Variants in NAAA observed in about 807,000 individuals in gnomAD.
The protein encoded by NAAA is N-acylethanolamine-hydrolyzing acid amidase.
Under a neutral mutation model 44.8 loss-of-function variants are expected in NAAA, and 39 were observed. That is an observed-to-expected ratio of 0.87 (90% CI 0.67 to 1.14). NAAA has a LOEUF of 1.14. NAAA is among the 50% of genes most tolerant of loss of function. NAAA has a pLI of 0.00. For synonymous variants in NAAA, 178 were observed against 191.3 expected (o/e 0.93, Z 0.58); for missense variants, 460 against 467.8 (o/e 0.98, Z 0.15).
intron 4 of NAAA, among the ~76,000 whole-genome samples, chr4:75,927,406 CT>C (rs1726801385): frequency 6.6e-6 from 1 of 152,066 alleles, no homozygotes; most frequent in East Asian, 1.9e-4. Flanking sequence ...GATCCCGCCA[CT>C]GTACTCCAGC....
In NAAA at chr4:75,934,047, T is replaced by C. The variant is rs1226542630; in HGVS notation, c.498+2062A>G. 7.7e-5 allele frequency among the ~76,000 whole-genome samples: 7 copies of C among 91,378 alleles called. No homozygotes were observed. The East Asian group carries it at 2.4e-3, about 32-fold the overall frequency. 59.9% of individuals were successfully genotyped at this position (91,378 alleles called of 152,430 possible). On this transcript the variant is annotated intron_variant, in intron 3 of 10. Coordinates refer to ENST00000286733, the MANE Select transcript of NAAA (RefSeq NM_014435.4). ...TCTGTCTCAAAAATAAAAACAATAGTAGTAGTAATAATAATAATAATAATA... is the reference window on the plus strand; with the variant it reads ...TCTGTCTCAAAAATAAAAACAATAGCAGTAGTAATAATAATAATAATAATA...
intron 9 of NAAA, chr4:75,917,077 C>T (rs1367986407): frequency 4.2e-6 from 4 of 952,914 alleles, no homozygotes; most frequent in Non-Finnish European, 5.0e-6. Context: ...CTGCGCCCAG[C>T]CAGATATATT....
In NAAA at chr4:75,913,736, A is replaced by G; in HGVS notation, c.*639T>C. ...TTACTTAATTATGTGACATTAAGAA[A>G]TAATTTGGTTGCATATTATTTTCAA... On this transcript the variant is annotated 3_prime_UTR_variant, in exon 11 of 11. Transcript: ENST00000286733. The G allele has an allele frequency of 1.0e-6, 1 of 981,482 alleles. No homozygotes were observed. Among genetic ancestry groups the G allele is most frequent in the Non-Finnish European group, 1.2e-6 (1 of 826,386 alleles). 60.8% of individuals were successfully genotyped at this position (981,482 alleles called of 1,614,324 possible).
rs78373345 is a variant in NAAA, at chr4:75,919,909, C to T, written c.969G>A (p.Gln323=). 1.2e-3 allele frequency: 2,009 copies of T among 1,612,612 alleles called. 20 individuals carry two copies. The African/African-American group carries it at 0.024, about 19-fold the overall frequency. ...TGCAGGACACTGTGACACAAGTTAC[C>T]TGGAAAAGTGCCTCCAGGCTGAGGT... is the stretch of plus-strand genomic sequence containing the variant. The part of the protein sequence containing the change: ...QANLSLEALF[Q]ILSVVPVYNN... Residue 323 remains glutamine (Q), a splice_region_variant and synonymous_variant, in exon 8 of 11, where the codon CAG becomes CAA. Coordinates refer to ENST00000286733, the MANE Select transcript of NAAA (RefSeq NM_014435.4).
intron 2 of NAAA, among the ~76,000 whole-genome samples, chr4:75,937,608 C>T (rs1727852847): frequency 6.6e-6 from 1 of 152,158 alleles, no homozygotes; most frequent in Non-Finnish European, 1.5e-5. Context: ...ACTTCAGCCT[C>T]CTGAGTATCT....
chr4:75,925,848 T>C (rs1255691460), intron 4 of NAAA, 37 bp from the exon 5 acceptor site: 4 of 1,564,560 alleles, frequency 2.6e-6, no homozygotes, highest in Admixed American at 1.7e-5. Context: ...TATGTGTGTG[T>C]ATATATGTAC....
Position 75,913,974 on chromosome 4 carries a change from CA to C in NAAA, c.*400del, listed in dbSNP as rs1351926470. The C allele has an allele frequency of 5.1e-6, 5 of 985,280 alleles. No homozygotes were observed. The African/African-American group carries it at 7.0e-5, about 14-fold the overall frequency. 61.0% of individuals were successfully genotyped at this position (985,280 alleles called of 1,614,324 possible). ...CTTAGGCTCTTTCAGAAGCACTTCA[CA>C]ATGAACAGAGGTCTTGCCAGCTCAT... On this transcript the variant is annotated 3_prime_UTR_variant, in exon 11 of 11. Coordinates refer to ENST00000286733, the MANE Select transcript of NAAA (RefSeq NM_014435.4).
intron 5 of NAAA, among the ~76,000 whole-genome samples, chr4:75,921,441 CATTT>C (rs964190873): frequency 6.6e-6 from 1 of 152,160 alleles, no homozygotes; most frequent in Non-Finnish European, 1.5e-5. Flanking sequence ...CTTCTTCATT[CATTT>C]ATTATTTAAA....
rs141856053 is a variant in NAAA, at chr4:75,928,047, T to C, written c.590-2236A>G. On this transcript the variant is annotated intron_variant, in intron 4 of 10. Coordinates refer to ENST00000286733, the MANE Select transcript of NAAA (RefSeq NM_014435.4). The stretch of plus-strand genomic sequence containing the variant: ...TAGCAATTTTGAAATACATAATACA[T>C]GATTGTTAACTGTACTCACCTTGCT... Among the ~76,000 whole-genome samples, 778 of 152,308 alleles carry C rather than the reference T, an allele frequency of 5.1e-3. 8 individuals are homozygous for C. The highest frequency in any genetic ancestry group is 0.018 in the African/African-American group (752 of 41,564).
At chr4:75,922,349 G>T (rs1013568370) in intron 5 of NAAA, among the ~76,000 whole-genome samples, 28 of 149,674 alleles carry the variant, frequency 1.9e-4, no homozygotes, top group Admixed American at 1.0e-3. Context: ...CTGCACTCCA[G>T]CCTGGGTGAC....
In NAAA at chr4:75,914,282, C is replaced by T; in HGVS notation, c.*93G>A. 8 of 985,300 alleles carry T rather than the reference C, an allele frequency of 8.1e-6. No individual in the cohort carries two copies. Among genetic ancestry groups the T allele is most frequent in the African/African-American group, 1.7e-5 (1 of 57,214 alleles). 61.0% of individuals were successfully genotyped at this position (985,300 alleles called of 1,614,324 possible). ...TTTGTAACATAATACAATACTTTCA[C>T]TTTGTCTTATTTTTTAAGGTGCAGC... is the stretch of plus-strand genomic sequence containing the variant. On this transcript the variant is annotated 3_prime_UTR_variant, in exon 11 of 11. Coordinates refer to ENST00000286733, the MANE Select transcript of NAAA (RefSeq NM_014435.4).
rs1413550974 is a variant in NAAA, at chr4:75,941,002, C to T, written c.-53G>A. The T allele has an allele frequency of 7.1e-7, 1 of 1,418,312 alleles. No individual in the cohort carries two copies. The highest frequency in any genetic ancestry group is 2.9e-5 in the East Asian group (1 of 34,486). The allele number at this position is 1,418,312 out of a possible 1,614,324, so 87.9% of individuals were successfully genotyped here. On this transcript the variant is annotated 5_prime_UTR_variant, in exon 1 of 11. Coordinates refer to ENST00000286733, the MANE Select transcript of NAAA (RefSeq NM_014435.4). ...GAGACCTGCAGCCGCTGTCGGAGCC[C>T]GGGTAAGCCGTGGAGGAGGAGGAGC...
chr4:75,927,503 T>G (rs1726811988), intron 4 of NAAA, among the ~76,000 whole-genome samples: 1 of 151,630 alleles, frequency 6.6e-6, no homozygotes, highest in African/African-American at 2.4e-5. Flanking sequence ...GGCTCACTCC[T>G]GTAATCCCAG....
At chr4:75,920,446 T>G (rs998385321) in intron 7 of NAAA, among the ~76,000 whole-genome samples, 2 of 152,166 alleles carry the variant, frequency 1.3e-5, no homozygotes, top group Non-Finnish European at 2.9e-5. Context: ...TTTTACAGAC[T>G]GGTAAACAGA....
chr4:75,914,262 A>G lies in NAAA; in HGVS notation c.*113T>C, dbSNP rs950513609. Reference sequence around the variant, plus strand: ...TGAGGAAGGAGCCTGCATTGTTTGTAACATAATACAATACTTTCACTTTGT... The same window carrying G: ...TGAGGAAGGAGCCTGCATTGTTTGTGACATAATACAATACTTTCACTTTGT... On this transcript the variant is annotated 3_prime_UTR_variant, in exon 11 of 11. Coordinates refer to ENST00000286733, the MANE Select transcript of NAAA (RefSeq NM_014435.4). 1.0e-6 allele frequency: 1 copy of G among 985,636 alleles called. No individual in the cohort carries two copies. The highest frequency in any genetic ancestry group is 1.2e-6 in the Non-Finnish European group (1 of 829,826). 61.1% of individuals were successfully genotyped at this position (985,636 alleles called of 1,614,324 possible).
intron 4 of NAAA, 64 bp downstream of exon 4, chr4:75,931,150 G>T: frequency 7.6e-7 from 1 of 1,312,166 alleles, no homozygotes; most frequent in Non-Finnish European, 1.1e-6. Flanking sequence ...GTGAGTGAAG[G>T]AAGTGCTTGG....
intron 3 of NAAA, among the ~76,000 whole-genome samples, chr4:75,932,802 C>G (rs983526232): frequency 4.6e-5 from 7 of 151,892 alleles, no homozygotes; most frequent in Non-Finnish European, 1.0e-4. Context: ...CCACAGCTAG[C>G]CTTTATCAGT....
intron 3 of NAAA, 119 bp downstream of exon 3, chr4:75,935,990 G>T (rs1019683981): frequency 5.1e-6 from 6 of 1,178,190 alleles, no homozygotes; most frequent in African/African-American, 4.7e-5. Flanking sequence ...TTTTCCAGGG[G>T]TGTGATTTTT....
chr4:75,937,182 A>G (rs1321391492), intron 2 of NAAA, among the ~76,000 whole-genome samples: 1 of 152,140 alleles, frequency 6.6e-6, no homozygotes, highest in Non-Finnish European at 1.5e-5. Flanking sequence ...GCACTTTGGG[A>G]GGCCAAGGTG....
Sources: allele counts gnomAD v4.1 joint callset (sites outside exome capture counted in the v4.1 genomes callset), GRCh38; gene constraint gnomAD v4.1.1; transcripts MANE v1.5; gene names NCBI Gene and HGNC (gene_info 2026-07-23, HGNC 2026-07-21).